The following KCNQ5 variants were observed in gnomAD, a reference collection of about 807,000 sequenced individuals.
The protein encoded by KCNQ5 is potassium voltage-gated channel subfamily Q member 5.
In KCNQ5, 30 loss-of-function variants were observed where a neutral mutation model predicts 98.2. The ratio of observed to expected loss-of-function variants is 0.31; its 90% CI spans 0.23 to 0.41. KCNQ5 has a LOEUF of 0.41. Ranked by LOEUF, KCNQ5 falls within the 10% of genes least tolerant of loss-of-function variation. KCNQ5 has a pLI of 1.00. For synonymous variants in KCNQ5, 458 were observed against 449.4 expected, an observed-to-expected ratio of 1.02 and a Z score of -0.24; for missense variants, 835 against 1,182.5, an observed-to-expected ratio of 0.71 and a Z score of 4.31.
chr6:72,963,115 T>C (rs1194062010), intron 1 of KCNQ5, among the ~76,000 whole-genome samples: 1 of 152,180 alleles, frequency 6.6e-6, no homozygotes, highest in Non-Finnish European at 1.5e-5. Context: ...CTGCAGTTGG[T>C]TGAGTTTATG....
intron 1 of KCNQ5, among the ~76,000 whole-genome samples, chr6:72,759,294 A>G (rs931753089): frequency 3.9e-5 from 6 of 152,174 alleles, no homozygotes; most frequent in African/African-American, 1.4e-4. Flanking sequence ...GTCAAAAGAC[A>G]TGAATCTTAG....
At chr6:73,193,836 CT>C (rs71540369) in intron 13 of KCNQ5, among the ~76,000 whole-genome samples, 23,813 of 124,440 alleles carry the variant, frequency 0.19, 1,995 homozygotes, top group Middle Eastern at 0.21. Flanking sequence ...AATGGGAAGT[CT>C]TTTTTTTTTT....
chr6:73,040,742 A>G (rs1461386560), intron 2 of KCNQ5, among the ~76,000 whole-genome samples: 1 of 152,228 alleles, frequency 6.6e-6, no homozygotes, highest in Non-Finnish European at 1.5e-5. Flanking sequence ...ATAGAATGAT[A>G]TAGCTCTACT....
intron 10 of KCNQ5, among the ~76,000 whole-genome samples, chr6:73,152,104 A>C (rs1777175307): frequency 6.6e-6 from 1 of 152,184 alleles, no homozygotes; most frequent in South Asian, 2.1e-4. Context: ...TTGATGAAGT[A>C]CATCCTATCA....
At chr6:72,688,049 G>C (rs1768044574) in intron 1 of KCNQ5, among the ~76,000 whole-genome samples, 1 of 151,964 alleles carries the variant, frequency 6.6e-6, no homozygotes, top group African/African-American at 2.4e-5. Flanking sequence ...ATATTGGCCA[G>C]GGTGGTCTCA....
intron 1 of KCNQ5, among the ~76,000 whole-genome samples, chr6:72,638,299 G>T (rs2154471893): frequency 6.6e-6 from 1 of 152,148 alleles, no homozygotes; most frequent in Middle Eastern, 3.4e-3. Flanking sequence ...GCCTTACATG[G>T]TTCCAGATCT....
chr6:72,937,313 C>G lies in KCNQ5; in HGVS notation c.399-66595C>G, dbSNP rs1285875263. ...CAGCTGCCAACTGAAGTCCATTTTACTTCAGGCAAAGAACTATGTCTTCCT... is the reference window on the plus strand; with the variant it reads ...CAGCTGCCAACTGAAGTCCATTTTAGTTCAGGCAAAGAACTATGTCTTCCT... On this transcript the variant is annotated intron_variant, in intron 1 of 13. Transcript: ENST00000370398. 4.6e-5 allele frequency among the ~76,000 whole-genome samples: 7 copies of G among 152,098 alleles called. No homozygotes were observed. The East Asian group carries it at 1.2e-3, about 25-fold the overall frequency.
At chr6:72,847,450 T>A (rs554114627) in intron 1 of KCNQ5, among the ~76,000 whole-genome samples, 1 of 152,336 alleles carries the variant, frequency 6.6e-6, no homozygotes, top group Non-Finnish European at 1.5e-5. Context: ...TGTGAGCCAC[T>A]GCATCCAACA....
chr6:72,775,422 G>C (rs1013127480), intron 1 of KCNQ5, among the ~76,000 whole-genome samples: 1 of 152,124 alleles, frequency 6.6e-6, no homozygotes, highest in Non-Finnish European at 1.5e-5. Flanking sequence ...ATACAAATAA[G>C]TGATTGAATA....
chr6:72,890,699 G>T (rs1779024052), intron 1 of KCNQ5, among the ~76,000 whole-genome samples: 1 of 152,156 alleles, frequency 6.6e-6, no homozygotes, highest in Admixed American at 6.5e-5. Flanking sequence ...TAAATTATCA[G>T]ATAAAAACCT....
At chr6:72,863,977 C>T (rs1202903614) in intron 1 of KCNQ5, among the ~76,000 whole-genome samples, 2 of 152,172 alleles carry the variant, frequency 1.3e-5, no homozygotes, top group Non-Finnish European at 2.9e-5. Flanking sequence ...GTTTGTACCT[C>T]AGTCCATATA....
rs371620560 is a variant in KCNQ5 at position 73,046,814 on chromosome 6, T to C, written c.616+4752T>C. Reference sequence around the variant, plus strand: ...CACGCCACCACACCCAGCTAATTTTTGCATTTTTAGTAGAGATAGGATTTC... The same window carrying C: ...CACGCCACCACACCCAGCTAATTTTCGCATTTTTAGTAGAGATAGGATTTC... On this transcript the variant is annotated intron_variant, in intron 3 of 13. Coordinates refer to ENST00000370398, the MANE Select transcript of KCNQ5 (RefSeq NM_019842.4). Among the ~76,000 whole-genome samples, 17 of 152,094 alleles carry C rather than the reference T, an allele frequency of 1.1e-4. No individual in the cohort carries two copies. In the East Asian group the frequency reaches 2.7e-3, roughly 24 times the overall value.
chr6:72,930,453 A>T (rs1765640596), intron 1 of KCNQ5, among the ~76,000 whole-genome samples: 2 of 152,122 alleles, frequency 1.3e-5, no homozygotes, highest in African/African-American at 4.8e-5. Context: ...CATGTTGAAA[A>T]CAAACAGACC....
At chr6:72,859,693 C>G (rs1181729077) in intron 1 of KCNQ5, among the ~76,000 whole-genome samples, 1 of 152,032 alleles carries the variant, frequency 6.6e-6, no homozygotes, top group Non-Finnish European at 1.5e-5. Flanking sequence ...GTGATCCTTC[C>G]ATTTCAGCCT....
chr6:72,913,175 T>G (rs1157138299), intron 1 of KCNQ5, among the ~76,000 whole-genome samples: 2 of 152,220 alleles, frequency 1.3e-5, no homozygotes, highest in African/African-American at 2.4e-5. Flanking sequence ...CTTGAAATTT[T>G]AGGTGTATCT....
intron 1 of KCNQ5, among the ~76,000 whole-genome samples, chr6:72,700,360 C>T (rs1768742585): frequency 6.6e-6 from 1 of 151,992 alleles, no homozygotes; most frequent in South Asian, 2.1e-4. Flanking sequence ...TTAAGGTATT[C>T]TGAATTCTTC....
rs534305107 is a variant in KCNQ5, at chr6:73,110,429, C to A, written c.1030-879C>A. 5.9e-5 allele frequency among the ~76,000 whole-genome samples: 9 copies of A among 152,186 alleles called. No individual in the cohort carries two copies. The East Asian group carries it at 1.5e-3, about 26-fold the overall frequency. The stretch of plus-strand genomic sequence containing the variant: ...GCAAATTGAAAAGAGTGGGGGACAT[C>A]AAAGAACCAGAATTTTGGCAGATCA... On this transcript the variant is annotated intron_variant, in intron 6 of 13. Coordinates refer to ENST00000370398, the MANE Select transcript of KCNQ5 (RefSeq NM_019842.4).
At chr6:73,035,979 A>C (rs1771396537) in intron 2 of KCNQ5, among the ~76,000 whole-genome samples, 1 of 128,638 alleles carries the variant, frequency 7.8e-6, no homozygotes, top group African/African-American at 3.1e-5. Context: ...TTTTACTTGA[A>C]TACATTTGTG....
intron 5 of KCNQ5, among the ~76,000 whole-genome samples, chr6:73,083,646 A>G (rs1305714448): frequency 6.6e-6 from 1 of 152,244 alleles, no homozygotes; most frequent in East Asian, 1.9e-4. Context: ...TGCAGCATAT[A>G]AGTCTCTTTG....
Sources: allele counts gnomAD v4.1 joint callset (sites outside exome capture counted in the v4.1 genomes callset), GRCh38; gene constraint gnomAD v4.1.1; transcripts MANE v1.5; gene names NCBI Gene and HGNC (gene_info 2026-07-23, HGNC 2026-07-21).